The following B4GALNT2 variants were observed in gnomAD, a reference collection of about 807,000 sequenced individuals.
The protein encoded by B4GALNT2 is N-acetylneuraminylgalactosylglucosyl-glucoside beta-1,4-N- acetylgalactosaminyltransferase 2.
In B4GALNT2, 42 loss-of-function variants were observed where a neutral mutation model predicts 51.1. That is an observed-to-expected ratio of 0.82 (90% CI 0.64 to 1.06). B4GALNT2 has a LOEUF of 1.06. Ranked by LOEUF, B4GALNT2 falls within the 50% of genes least tolerant of loss-of-function variation. B4GALNT2 has a pLI of 0.00. For missense variants in B4GALNT2, 602 were observed against 633.6 expected (o/e 0.95, Z 0.54); for synonymous variants, 253 against 251.7 (o/e 1.01, Z -0.05).
chr17:49,126,513 C>CA, the B4GALNT2 span, among the ~76,000 whole-genome samples: 475 of 141,874 alleles, frequency 3.3e-3, 7 homozygotes, highest in Non-Finnish European at 5.6e-3. Context: ...AAAAAAAAAA[C>CA]AAACTCCGTG....
intron 5 of B4GALNT2, 71 bp from the exon 6 acceptor site, chr17:49,158,966 A>G: frequency 6.6e-7 from 1 of 1,513,232 alleles, no homozygotes; most frequent in Non-Finnish European, 9.1e-7. Flanking sequence ...TGGCCTGGGT[A>G]TGTATGTATC....
upstream of B4GALNT2, chr17:49,132,490 C>G: frequency 2.8e-6 from 1 of 359,464 alleles, no homozygotes; most frequent in Non-Finnish European, 5.0e-6. Context: ...CACGGGGACA[C>G]AGCATAGCGA....
At chr17:49,139,905 C>CTTT (rs796809426) in intron 1 of B4GALNT2, among the ~76,000 whole-genome samples, 1 of 144,648 alleles carries the variant, frequency 6.9e-6, no homozygotes, top group African/African-American at 2.5e-5. Context: ...ACGTGGCCAA[C>CTTT]TTTTTTTTTT....
chr17:49,121,760 C>T, the B4GALNT2 span, among the ~76,000 whole-genome samples: 1 of 152,302 alleles, frequency 6.6e-6, no homozygotes. Context: ...GGGAAGCTAT[C>T]CTCAGACTGA....
intron 6 of B4GALNT2, among the ~76,000 whole-genome samples, chr17:49,159,861 AGAG>A (rs2042846301): frequency 6.6e-6 from 1 of 152,154 alleles, no homozygotes; most frequent in African/African-American, 2.4e-5. Context: ...CCACTGCAGT[AGAG>A]GAGGGAGCCA....
chr17:49,134,586 T>TTATTA (rs1284066112), intron 1 of B4GALNT2, among the ~76,000 whole-genome samples: 1 of 152,014 alleles, frequency 6.6e-6, no homozygotes, highest in Non-Finnish European at 1.5e-5. Flanking sequence ...CTAATTTTTG[T>TTATTA]TATTTTATTT....
At chr17:49,132,724 G>C (rs2144261652), upstream of B4GALNT2, 1 of 1,379,426 alleles carries the variant, frequency 7.2e-7, no homozygotes, top group East Asian at 3.1e-5. Context: ...CGGTGCCAGG[G>C]CGGGGCAGTC....
chr17:49,146,201 G>T (rs2042693117), intron 3 of B4GALNT2, among the ~76,000 whole-genome samples: 2 of 152,152 alleles, frequency 1.3e-5, no homozygotes, highest in Non-Finnish European at 1.5e-5. Flanking sequence ...CATTATAATT[G>T]TGACTTCAAA....
chr17:49,131,400 A>G (rs767346687), upstream of B4GALNT2, among the ~76,000 whole-genome samples: 1 of 147,264 alleles, frequency 6.8e-6, no homozygotes, highest in Non-Finnish European at 1.5e-5. Context: ...ACCTGCATCA[A>G]AGTTGTAGAT....
At chr17:49,143,363 A>T (rs2042663903) in intron 3 of B4GALNT2, among the ~76,000 whole-genome samples, 1 of 152,184 alleles carries the variant, frequency 6.6e-6, no homozygotes, top group African/African-American at 2.4e-5. Flanking sequence ...TCAAAAGGGA[A>T]CTTGTTAGAA....
At chr17:49,132,725 C>A, upstream of B4GALNT2, 1 of 1,377,706 alleles carries the variant, frequency 7.3e-7, no homozygotes, top group South Asian at 1.8e-5. Flanking sequence ...GGTGCCAGGG[C>A]GGGGCAGTCG....
At chr17:49,131,234 G>A (rs75852367), upstream of B4GALNT2, among the ~76,000 whole-genome samples, 2,340 of 152,064 alleles carry the variant, frequency 0.015, 34 homozygotes, top group Non-Finnish European at 0.021. Context: ...GCACGTAGTC[G>A]GTACAACACT....
chr17:49,166,348 GGGGGAGGGA>G (rs894584761), intron 9 of B4GALNT2, 94 bp downstream of exon 9: 10 of 860,246 alleles, frequency 1.2e-5, no homozygotes, highest in African/African-American at 5.1e-5. Flanking sequence ...GAGAAGAGGA[GGGGGAGGGA>G]GGGGAGGGAG....
At chr17:49,156,529 A>G (rs2042812108) in intron 4 of B4GALNT2, 37 bp from the exon 5 acceptor site, 1 of 1,612,252 alleles carries the variant, frequency 6.2e-7, no homozygotes, top group East Asian at 2.2e-5. Context: ...GATGTCTTTC[A>G]TGAGCAGTTT....
At position 49,176,804 on chromosome 17, in the gene B4GALNT2, T is replaced by C. The variant is rs924181829; in HGVS notation, c.*7076T>C. 1.3e-5 allele frequency: 2 copies of C among 152,202 alleles called. No individual in the cohort carries two copies. The highest frequency in any genetic ancestry group is 2.9e-5 in the Non-Finnish European group (2 of 68,030). The allele number at this position is 152,202 out of a possible 1,614,324, so 9.4% of individuals were successfully genotyped here. On this transcript the variant is annotated 3_prime_UTR_variant, in exon 11 of 11. Transcript: ENST00000393354. ...CACTAAAAATGTGTTCTGTGATATA[T>C]TAATAAAAATTCCTGAAAAATGGAC...
At chr17:49,145,152 A>T (rs923279642) in intron 3 of B4GALNT2, among the ~76,000 whole-genome samples, 1 of 152,182 alleles carries the variant, frequency 6.6e-6, no homozygotes, top group Non-Finnish European at 1.5e-5. Flanking sequence ...AATCGAATTG[A>T]CATTTAGTAT....
the B4GALNT2 span, among the ~76,000 whole-genome samples, chr17:49,122,829 C>T: frequency 6.6e-6 from 1 of 152,100 alleles, no homozygotes; most frequent in Non-Finnish European, 1.5e-5. Flanking sequence ...TCTGATATTC[C>T]ACCCCGAGGC....
chr17:49,152,799 GAGA>G lies in B4GALNT2; in HGVS notation c.356_358del (p.Glu119del). The G allele has an allele frequency of 6.3e-7, 1 of 1,589,708 alleles. No homozygotes were observed. Among genetic ancestry groups the G allele is most frequent in the Non-Finnish European group, 8.6e-7 (1 of 1,168,418 alleles). On this transcript the variant is annotated inframe_deletion and splice_region_variant, in exon 4 of 11. Coordinates refer to ENST00000393354, the MANE Select transcript of B4GALNT2 (RefSeq NM_001159387.2). Reference sequence around the variant, plus strand: ...TGACGTTTCTGTTCTCCTTCCTGCAGAGAAGGGCTGCCCCGCCCACTGCCCCTG... The same window carrying G: ...TGACGTTTCTGTTCTCCTTCCTGCAGAGGGCTGCCCCGCCCACTGCCCCTG...
intron 5 of B4GALNT2, among the ~76,000 whole-genome samples, chr17:49,157,250 T>G (rs879353724): frequency 7.2e-5 from 11 of 152,052 alleles, no homozygotes; most frequent in Admixed American, 1.3e-4. Flanking sequence ...AGGCTTGACC[T>G]CCTGGGCTCA....
Sources: allele counts gnomAD v4.1 joint callset (sites outside exome capture counted in the v4.1 genomes callset), GRCh38; gene constraint gnomAD v4.1.1; transcripts MANE v1.5; gene names NCBI Gene and HGNC (gene_info 2026-07-23, HGNC 2026-07-21).